The following EEF2K variants were observed in gnomAD, a reference collection of about 807,000 sequenced individuals.
EEF2K encodes alternative protein EEF2K.
In EEF2K, 70 loss-of-function variants were observed where a neutral mutation model predicts 93.8. The observed-to-expected ratio is 0.75, with a 90% CI of 0.62 to 0.91. The LOEUF is 0.91. Ranked by LOEUF, EEF2K falls within the 40% of genes least tolerant of loss-of-function variation. The probability of loss-of-function intolerance (pLI) is 0.00; values close to 1 mark genes in which losing one functional copy is unlikely to be tolerated. For synonymous variants in EEF2K, 376 were observed against 380.8 expected (o/e 0.99, Z 0.15); for missense variants, 935 against 972.9 (o/e 0.96, Z 0.52).
intron 6 of EEF2K, among the ~76,000 whole-genome samples, chr16:22,254,024 G>C (rs538725321): frequency 6.6e-6 from 1 of 152,130 alleles, no homozygotes; most frequent in African/African-American, 2.4e-5. Context: ...ACTTGAACAC[G>C]AGAGGCGGAG....
intron 15 of EEF2K, among the ~76,000 whole-genome samples, chr16:22,273,262 A>T (rs976521673): frequency 2.0e-5 from 3 of 152,178 alleles, no homozygotes; most frequent in African/African-American, 7.2e-5. Flanking sequence ...GCATATTAAG[A>T]GGCGGTTTAT....
chr16:22,225,624 C>T (rs2047054741), intron 1 of EEF2K, 30 bp from the exon 2 acceptor site: 10 of 1,514,806 alleles, frequency 6.6e-6, no homozygotes, highest in Middle Eastern at 2.1e-4. Context: ...GGCCCCAGCA[C>T]CCACTCTCTG....
chr16:22,225,021 T>C (rs1431847335), intron 1 of EEF2K, among the ~76,000 whole-genome samples: 2 of 151,708 alleles, frequency 1.3e-5, no homozygotes, highest in Admixed American at 6.6e-5. Flanking sequence ...TGATTGGATA[T>C]GCATGTTGGG....
intron 1 of EEF2K, among the ~76,000 whole-genome samples, chr16:22,222,827 GAGCCGAGATTGTGCCACTGCACTCC>G (rs2047027635): frequency 6.6e-6 from 1 of 151,958 alleles, no homozygotes; most frequent in African/African-American, 2.4e-5. Context: ...AGGTTACAGT[GAGCCGAGATTGTGCCACTGCACTCC>G]AGCCTGGGTG....
intron 2 of EEF2K, among the ~76,000 whole-genome samples, chr16:22,233,816 G>A (rs1232264111): frequency 6.6e-6 from 1 of 152,202 alleles, no homozygotes; most frequent in Non-Finnish European, 1.5e-5. Context: ...GTGCAGTGGT[G>A]TGATCATAGC....
In EEF2K at chr16:22,244,694, T is replaced by C. The variant is rs1035615639; in HGVS notation, c.311T>C (p.Leu104Pro). Reference sequence around the variant, plus strand: ...CCCGACCCCTGGGCTGAGTTCCACCTGGAAGATATTGCCACCGAACGTGCT... The same window carrying C: ...CCCGACCCCTGGGCTGAGTTCCACCCGGAAGATATTGCCACCGAACGTGCT... ...HMPDPWAEFHLEDIATERATR... is the reference protein window; with the variant it reads ...HMPDPWAEFHPEDIATERATR... Residue 104 changes from leucine (L) to proline (P), a missense_variant, in exon 3 of 18, where the codon CTG becomes CCG. Leu to Pro is a moderately conservative substitution (Grantham distance 98). Transcript: ENST00000263026. The C allele has an allele frequency of 6.2e-7, 1 of 1,613,896 alleles. No individual in the cohort carries two copies. The highest frequency in any genetic ancestry group is 8.5e-7 in the Non-Finnish European group (1 of 1,179,964).
rs142775007 is a variant in EEF2K, at chr16:22,280,752, C to T, written c.2068+376C>T. Among the ~76,000 whole-genome samples, 27 of 151,792 alleles carry T rather than the reference C, an allele frequency of 1.8e-4. No individual in the cohort carries two copies. In the East Asian group the frequency reaches 4.5e-3, roughly 25 times the overall value. On this transcript the variant is annotated intron_variant, in intron 17 of 17. Coordinates refer to ENST00000263026, the MANE Select transcript of EEF2K (RefSeq NM_013302.5). ...TAATCTTGGCTCACTGCAGCCTCCACCTCCCGAGTTCCAGCGATTCTCCTG... is the reference window on the plus strand; with the variant it reads ...TAATCTTGGCTCACTGCAGCCTCCATCTCCCGAGTTCCAGCGATTCTCCTG...
chr16:22,226,094 T>G, intron 2 of EEF2K, 119 bp downstream of exon 2: 1 of 1,418,366 alleles, frequency 7.1e-7, no homozygotes, highest in Non-Finnish European at 9.6e-7. Context: ...TGCTCTAAAC[T>G]CTGAGCTGAG....
chr16:22,280,770 T>C (rs978760445), intron 17 of EEF2K, among the ~76,000 whole-genome samples: 3 of 151,904 alleles, frequency 2.0e-5, no homozygotes, highest in African/African-American at 7.2e-5. Flanking sequence ...GTTCCAGCGA[T>C]TCTCCTGCCT....
chr16:22,267,619 A>G (rs982213910), intron 15 of EEF2K, among the ~76,000 whole-genome samples: 5 of 148,994 alleles, frequency 3.4e-5, no homozygotes, highest in Non-Finnish European at 5.9e-5. Flanking sequence ...ATTGGGGGGG[A>G]TATCTGCTTT....
chr16:22,242,058 G>A (rs1016464577), intron 2 of EEF2K, among the ~76,000 whole-genome samples: 31 of 152,032 alleles, frequency 2.0e-4, no homozygotes, highest in East Asian at 1.9e-4. Flanking sequence ...CAGGAAGATC[G>A]CTTGAGCCCA....
chr16:22,234,903 G>T (rs79977071), intron 2 of EEF2K, among the ~76,000 whole-genome samples: 2,492 of 117,826 alleles, frequency 0.021, 90 homozygotes, highest in African/African-American at 0.07. Context: ...TTTTTTTAGG[G>T]GCGGTTTCAC....
At chr16:22,243,054 C>G (rs1271671815) in intron 2 of EEF2K, among the ~76,000 whole-genome samples, 3 of 151,112 alleles carry the variant, frequency 2.0e-5, no homozygotes, top group Non-Finnish European at 4.4e-5. Context: ...AGGGTGAGAC[C>G]CCGTCTCTTG....
chr16:22,268,579 G>A (rs972312776), intron 15 of EEF2K, among the ~76,000 whole-genome samples: 1 of 151,924 alleles, frequency 6.6e-6, no homozygotes, highest in Non-Finnish European at 1.5e-5. Flanking sequence ...CGATCCTCCT[G>A]CCTCAGCCTC....
chr16:22,273,663 T>C lies in EEF2K; in HGVS notation c.1802T>C (p.Leu601Ser). The C allele has an allele frequency of 1.2e-6, 2 of 1,614,176 alleles. No homozygotes were observed. The highest frequency in any genetic ancestry group is 1.7e-6 in the Non-Finnish European group (2 of 1,180,036). ...AACAAAACCAAAGGATTTGATTACT[T>C]ACTAAAGGCCGCTGAAGCTGGCGAC... The part of the protein sequence containing the change: ...EENKTKGFDY[L>S]LKAAEAGDRQ... Residue 601 changes from leucine to serine, a missense_variant, in exon 16 of 18, where the codon TTA becomes TCA. Leu to Ser is a moderately radical substitution (Grantham distance 145, BLOSUM62 -2). Transcript: ENST00000263026.
At chr16:22,234,101 G>C (rs1209429718) in intron 2 of EEF2K, among the ~76,000 whole-genome samples, 2 of 152,202 alleles carry the variant, frequency 1.3e-5, no homozygotes, top group Non-Finnish European at 2.9e-5. Flanking sequence ...CCCCCCCAGA[G>C]GTGAACTGGC....
At position 22,252,965 on chromosome 16, in the gene EEF2K, G is replaced by A. The variant is rs1179876218; in HGVS notation, c.618+1643G>A. Among the ~76,000 whole-genome samples the A allele has an allele frequency of 9.1e-4, 139 of 152,148 alleles. 1 individual carries two copies. Among genetic ancestry groups the A allele is most frequent in the Non-Finnish European group, 1.2e-4 (8 of 68,028 alleles). On this transcript the variant is annotated intron_variant, in intron 6 of 17. Transcript: ENST00000263026. ...TCCTACCAGGTCCCTCCCACAACAC[G>A]TGGGAATTATGGGAGCTACAATTCA...
intron 16 of EEF2K, among the ~76,000 whole-genome samples, chr16:22,275,436 G>A (rs1328918050): frequency 6.6e-6 from 1 of 151,276 alleles, no homozygotes. Flanking sequence ...TCCACCTCCT[G>A]GGTTCAAGTG....
chr16:22,254,315 CT>C (rs1413098266), intron 6 of EEF2K, among the ~76,000 whole-genome samples: 26 of 152,138 alleles, frequency 1.7e-4, no homozygotes. Context: ...GCAGAACCCT[CT>C]GAGAACCGCC....
Sources: allele counts gnomAD v4.1 joint callset (sites outside exome capture counted in the v4.1 genomes callset), GRCh38; gene constraint gnomAD v4.1.1; transcripts MANE v1.5; gene names NCBI Gene and HGNC (gene_info 2026-07-23, HGNC 2026-07-21).